MARCHF11: variants seen among roughly 807,000 people sequenced by gnomAD.
The protein encoded by MARCHF11 is membrane associated ring-CH-type finger 11, also known as E3 ubiquitin-protein ligase MARCHF11.
In MARCHF11, 29 loss-of-function variants were observed where a neutral mutation model predicts 37.3. That is an observed-to-expected ratio of 0.78 (90% CI 0.58 to 1.06). MARCHF11 has a LOEUF of 1.06. Ranked by LOEUF, MARCHF11 falls within the 50% of genes least tolerant of loss-of-function variation. The probability of loss-of-function intolerance (pLI) is 0.00; values close to 1 mark genes in which losing one functional copy is unlikely to be tolerated. For synonymous variants in MARCHF11, 233 were observed against 228.0 expected (o/e 1.02, Z -0.20); for missense variants, 482 against 533.4 (o/e 0.90, Z 0.95).
At chr5:16,178,957 G>A in intron 1 of MARCHF11, 82 bp downstream of exon 1, 1 of 1,338,966 alleles carries the variant, frequency 7.5e-7, no homozygotes, top group Non-Finnish European at 9.6e-7. Context: ...GGAGGTAGGC[G>A]TGCGCTGTCC....
intron 2 of MARCHF11, among the ~76,000 whole-genome samples, chr5:16,173,865 T>C (rs1364170955): frequency 6.6e-6 from 1 of 152,198 alleles, no homozygotes; most frequent in Non-Finnish European, 1.5e-5. Context: ...CAAAATAAGG[T>C]ATAAGACAGG....
At chr5:16,171,205 CTA>C (rs1253216937) in intron 2 of MARCHF11, among the ~76,000 whole-genome samples, 1 of 151,806 alleles carries the variant, frequency 6.6e-6, no homozygotes, top group Non-Finnish European at 1.5e-5. Context: ...GCTGCACCCA[CTA>C]ACTCTTCATC....
intron 3 of MARCHF11, among the ~76,000 whole-genome samples, chr5:16,074,206 G>A (rs1430942444): frequency 1.3e-5 from 2 of 152,148 alleles, no homozygotes; most frequent in Non-Finnish European, 2.9e-5. Context: ...TGAACTGAAC[G>A]ATAATATTGA....
At chr5:16,109,257 G>C (rs1579386769) in intron 2 of MARCHF11, among the ~76,000 whole-genome samples, 1 of 152,132 alleles carries the variant, frequency 6.6e-6, no homozygotes, top group African/African-American at 2.4e-5. Flanking sequence ...ATGGACTCAG[G>C]ATGGGGGTTG....
intron 2 of MARCHF11, among the ~76,000 whole-genome samples, chr5:16,163,234 T>C (rs1738115006): frequency 6.6e-6 from 1 of 151,960 alleles, no homozygotes; most frequent in South Asian, 2.1e-4. Flanking sequence ...CACAACTCCT[T>C]GGTTGCTCAC....
chr5:16,159,150 C>T (rs1738031228), intron 2 of MARCHF11, among the ~76,000 whole-genome samples: 1 of 151,808 alleles, frequency 6.6e-6, no homozygotes. Context: ...ACTTCTCATA[C>T]TCAGTAACAT....
intron 2 of MARCHF11, among the ~76,000 whole-genome samples, chr5:16,174,512 AG>A (rs770811147): frequency 2.6e-5 from 4 of 152,246 alleles, no homozygotes; most frequent in Non-Finnish European, 5.9e-5. Context: ...CTAAGGTGTT[AG>A]GCTCACTGCA....
At chr5:16,070,426 T>G (rs535502102) in intron 3 of MARCHF11, among the ~76,000 whole-genome samples, 18 of 152,304 alleles carry the variant, frequency 1.2e-4, no homozygotes, top group African/African-American at 3.8e-4. Context: ...ATCTATGTGG[T>G]GGGGAACACA....
intron 2 of MARCHF11, among the ~76,000 whole-genome samples, chr5:16,176,653 T>C (rs1370310424): frequency 6.6e-6 from 1 of 152,194 alleles, no homozygotes; most frequent in Non-Finnish European, 1.5e-5. Flanking sequence ...ATATAAAGGA[T>C]ACAAAAATTT....
At chr5:16,148,920 A>G (rs1403441974) in intron 2 of MARCHF11, among the ~76,000 whole-genome samples, 1 of 152,116 alleles carries the variant, frequency 6.6e-6, no homozygotes, top group East Asian at 1.9e-4. Context: ...TCTCAAAAGA[A>G]AGGAACATTT....
chr5:16,175,983 T>A (rs1738347377), intron 2 of MARCHF11, among the ~76,000 whole-genome samples: 1 of 152,222 alleles, frequency 6.6e-6, no homozygotes, highest in Non-Finnish European at 1.5e-5. Flanking sequence ...AGGAAAATCA[T>A]ATGCACAGTT....
At chr5:16,161,754 T>C (rs1738081069) in intron 2 of MARCHF11, among the ~76,000 whole-genome samples, 1 of 151,984 alleles carries the variant, frequency 6.6e-6, no homozygotes, top group Non-Finnish European at 1.5e-5. Context: ...CTTCAAGCCA[T>C]TGTGTGTCTT....
intron 2 of MARCHF11, among the ~76,000 whole-genome samples, chr5:16,135,705 C>T (rs978300844): frequency 6.6e-6 from 1 of 151,798 alleles, no homozygotes; most frequent in Non-Finnish European, 1.5e-5. Context: ...TGAGAAAATA[C>T]CAAAAAGTAT....
chr5:16,079,773 G>A (rs775459213), intron 3 of MARCHF11, among the ~76,000 whole-genome samples: 1 of 152,120 alleles, frequency 6.6e-6, no homozygotes, highest in Non-Finnish European at 1.5e-5. Context: ...TGAGAAATGA[G>A]GCATCTTTTG....
At chr5:16,123,555 A>G (rs1284988330) in intron 2 of MARCHF11, among the ~76,000 whole-genome samples, 1 of 152,190 alleles carries the variant, frequency 6.6e-6, no homozygotes, top group Non-Finnish European at 1.5e-5. Flanking sequence ...TGGTTTTGAG[A>G]TAGTCCTGTG....
intron 2 of MARCHF11, among the ~76,000 whole-genome samples, chr5:16,164,215 A>C (rs748996336): frequency 2.0e-5 from 3 of 152,108 alleles, no homozygotes; most frequent in Non-Finnish European, 4.4e-5. Context: ...AAGATATAAC[A>C]CTTAATAAAC....
chr5:16,161,192 C>G (rs180907452), intron 2 of MARCHF11, among the ~76,000 whole-genome samples: 2 of 106,528 alleles, frequency 1.9e-5, no homozygotes, highest in Non-Finnish European at 3.5e-5. Context: ...CCCCTCCCCC[C>G]ACCCCAGAAA....
At chr5:16,145,577 T>A (rs1737783618) in intron 2 of MARCHF11, among the ~76,000 whole-genome samples, 1 of 152,188 alleles carries the variant, frequency 6.6e-6, no homozygotes, top group Non-Finnish European at 1.5e-5. Context: ...ATAACAGTTC[T>A]TTATGGAAGA....
At chr5:16,084,754 CA>C (rs772590282) in intron 3 of MARCHF11, among the ~76,000 whole-genome samples, 1 of 140,382 alleles carries the variant, frequency 7.1e-6, no homozygotes, top group Admixed American at 6.8e-5. Flanking sequence ...GTAGAAGGAG[CA>C]GTTTTTTTTT....
Sources: allele counts gnomAD v4.1 joint callset (sites outside exome capture counted in the v4.1 genomes callset), GRCh38; gene constraint gnomAD v4.1.1; transcripts MANE v1.5; gene names NCBI Gene and HGNC (gene_info 2026-07-23, HGNC 2026-07-21).